The following MPRIP variants were observed in gnomAD, a reference collection of about 807,000 sequenced individuals.
MPRIP encodes the protein myosin phosphatase Rho interacting protein, also known as myosin phosphatase Rho-interacting protein.
Under a neutral mutation model 234.9 loss-of-function variants are expected in MPRIP, and 59 were observed. The observed-to-expected ratio is 0.25, with a 90% confidence interval of 0.20 to 0.31. MPRIP has a LOEUF of 0.31. Among genes scored for constraint, MPRIP ranks in the 10% least tolerant of loss-of-function variants. The pLI is 1.00. For missense variants in MPRIP, 2,436 were observed against 3,071.0 expected, an observed-to-expected ratio of 0.79 and a Z score of 4.89; for synonymous variants, 1,144 against 1,263.9, an observed-to-expected ratio of 0.91 and a Z score of 2.01.
At chr17:17,130,081 G>GC (rs2090566160) in intron 4 of MPRIP, among the ~76,000 whole-genome samples, 1 of 152,188 alleles carries the variant, frequency 6.6e-6, no homozygotes, top group African/African-American at 2.4e-5. Context: ...TTGTTTTGGG[G>GC]CCGTGGAGGA....
intron 1 of MPRIP, among the ~76,000 whole-genome samples, chr17:17,049,988 A>G (rs1347008700): frequency 6.6e-6 from 1 of 152,178 alleles, no homozygotes; most frequent in African/African-American, 2.4e-5. Flanking sequence ...GGAGATCAAG[A>G]CCATCCTGGC....
At chr17:17,056,805 C>G (rs935842437) in intron 1 of MPRIP, among the ~76,000 whole-genome samples, 1 of 152,096 alleles carries the variant, frequency 6.6e-6, no homozygotes, top group Non-Finnish European at 1.5e-5. Context: ...CCAGCAACTA[C>G]AAATCTGCTT....
chr17:17,160,257 T>G (rs2045833909), intron 14 of MPRIP, among the ~76,000 whole-genome samples: 1 of 152,176 alleles, frequency 6.6e-6, no homozygotes, highest in Non-Finnish European at 1.5e-5. Flanking sequence ...TCCCAGCTAC[T>G]TGGAAGGCTG....
chr17:17,105,991 C>A (rs2090056232), intron 3 of MPRIP, among the ~76,000 whole-genome samples: 1 of 152,218 alleles, frequency 6.6e-6, no homozygotes, highest in African/African-American at 2.4e-5. Flanking sequence ...CCAGGTTCAG[C>A]TTGATGAAGT....
intron 3 of MPRIP, among the ~76,000 whole-genome samples, chr17:17,115,217 CGG>C (rs1405124649): frequency 6.6e-6 from 1 of 152,222 alleles, no homozygotes; most frequent in African/African-American, 2.4e-5. Context: ...GGGATGGGAG[CGG>C]TAGCTCTGCG....
At chr17:17,066,141 T>G (rs2089018097) in intron 1 of MPRIP, among the ~76,000 whole-genome samples, 1 of 152,242 alleles carries the variant, frequency 6.6e-6, no homozygotes, top group African/African-American at 2.4e-5. Context: ...TTTCCTGCCT[T>G]ACTGCACTAG....
intron 3 of MPRIP, among the ~76,000 whole-genome samples, chr17:17,091,061 A>G (rs2089704581): frequency 6.6e-6 from 1 of 150,670 alleles, no homozygotes. Flanking sequence ...TTCATCCCCC[A>G]AGACAGCTGA....
chr17:17,119,685 G>A (rs2090351666), intron 3 of MPRIP, among the ~76,000 whole-genome samples: 2 of 152,202 alleles, frequency 1.3e-5, no homozygotes, highest in South Asian at 4.1e-4. Context: ...GCAATTCCCT[G>A]TGTCCTCCCT....
At chr17:17,133,235 G>C (rs11867273) in intron 5 of MPRIP, among the ~76,000 whole-genome samples, 3,481 of 152,284 alleles carry the variant, frequency 0.023, 108 homozygotes, top group Middle Eastern at 0.085. Flanking sequence ...CTGCACTCAG[G>C]CCCCTCCTAA....
At chr17:17,143,725 T>A in intron 9 of MPRIP, 56 bp downstream of exon 9, 1 of 1,213,560 alleles carries the variant, frequency 8.2e-7, no homozygotes, top group Non-Finnish European at 1.2e-6. Flanking sequence ...CTGGTCACTC[T>A]GAGGCGCTGT....
At chr17:17,067,794 T>G (rs1191494055) in intron 1 of MPRIP, among the ~76,000 whole-genome samples, 1 of 127,216 alleles carries the variant, frequency 7.9e-6, no homozygotes, top group African/African-American at 4.3e-5. Context: ...TTCTTCCTTT[T>G]TTTTTTTTTT....
chr17:17,085,231 C>T (rs146067630), intron 3 of MPRIP, among the ~76,000 whole-genome samples: 5 of 152,284 alleles, frequency 3.3e-5, no homozygotes, highest in African/African-American at 1.2e-4. Context: ...GCTATTCGGA[C>T]CACAGGAAGC....
intron 12 of MPRIP, among the ~76,000 whole-genome samples, chr17:17,152,169 C>T (rs1020898479): frequency 1.1e-4 from 17 of 152,278 alleles, no homozygotes; most frequent in Admixed American, 1.0e-3. Context: ...GCTACACTGA[C>T]AGCCTGGCAC....
chr17:17,055,518 T>TA (rs2088666744), intron 1 of MPRIP, among the ~76,000 whole-genome samples: 1 of 152,108 alleles, frequency 6.6e-6, no homozygotes, highest in Admixed American at 6.5e-5. Flanking sequence ...CTGTCCACCC[T>TA]ACCCCCAGCC....
Position 17,048,852 on chromosome 17 carries a change from G to A in MPRIP, c.123+5881G>A, listed in dbSNP as rs2088440532. ...TAGGTATATGCCAAGAAGAATTGAG[G>A]ACAGGTGTATTCAAACAGATACTTG... On this transcript the variant is annotated intron_variant, in intron 1 of 23. Coordinates refer to ENST00000651222, the MANE Select transcript of MPRIP (RefSeq NM_001364716.4). Among the ~76,000 whole-genome samples, 3 of 152,156 alleles carry A rather than the reference G, an allele frequency of 2.0e-5. No homozygotes were observed. The South Asian group carries it at 6.2e-4, about 32-fold the overall frequency.
chr17:17,099,001 A>C (rs1242611891), intron 3 of MPRIP, among the ~76,000 whole-genome samples: 2 of 152,174 alleles, frequency 1.3e-5, no homozygotes, highest in Non-Finnish European at 2.9e-5. Context: ...AGAATACGCA[A>C]GGATCTGCTT....
chr17:17,077,719 CGTT>C (rs1420058383), intron 2 of MPRIP: 2 of 383,870 alleles, frequency 5.2e-6, no homozygotes, highest in Non-Finnish European at 9.6e-6. Flanking sequence ...GGTAACCACA[CGTT>C]GTTTCTGCTC....
At position 17,064,712 on chromosome 17, in the gene MPRIP, G is replaced by A. The variant is rs115672553; in HGVS notation, c.124-10998G>A. The stretch of plus-strand genomic sequence containing the variant: ...TGGCTATTCATCCAGGTTGTTGCTT[G>A]GATCAGTAGTTTGCTCCTTTTTATT... On this transcript the variant is annotated intron_variant, in intron 1 of 23. Transcript: ENST00000651222. Among the ~76,000 whole-genome samples the A allele has an allele frequency of 3.3e-3, 504 of 152,274 alleles. 3 individuals carry two copies. Among genetic ancestry groups the A allele is most frequent in the African/African-American group, 0.012 (489 of 41,550 alleles).
intron 1 of MPRIP, among the ~76,000 whole-genome samples, chr17:17,043,375 G>A (rs1441962858): frequency 2.0e-5 from 3 of 152,150 alleles, no homozygotes; most frequent in East Asian, 3.8e-4. Context: ...GTGGGCTTCC[G>A]TCTAGTGGGA....
Sources: gnomAD v4.1 joint callset for allele counts (sites outside exome capture counted in the v4.1 genomes callset) on GRCh38, gnomAD v4.1.1 for gene constraint, MANE v1.5 for transcripts, NCBI Gene and HGNC (gene_info 2026-07-23, HGNC 2026-07-21) for gene names.